The following BECN1 variants were observed in gnomAD, a reference collection of about 807,000 sequenced individuals.
The protein encoded by BECN1 is beclin-1.
Under a neutral mutation model 60.1 loss-of-function variants are expected in BECN1, and 15 were observed. The ratio of observed to expected loss-of-function variants is 0.25; its 90% CI spans 0.17 to 0.38. The LOEUF (loss-of-function observed/expected upper bound fraction) is 0.38. BECN1 is among the 10% of genes least tolerant of loss of function. The probability of loss-of-function intolerance (pLI) is 1.00; values close to 1 mark genes in which losing one functional copy is unlikely to be tolerated. For synonymous variants in BECN1, 179 were observed against 201.8 expected (o/e 0.89, Z 0.96); for missense variants, 424 against 548.2 (o/e 0.77, Z 2.26).
chr17:42,813,908 G>A (rs769096928), intron 10 of BECN1, 40 bp downstream of exon 10: 1 of 1,435,698 alleles, frequency 7.0e-7, no homozygotes, highest in Non-Finnish European at 9.6e-7. Flanking sequence ...AGAGATATAA[G>A]AACTCTGTAT....
Position 42,810,220 on chromosome 17 carries a change from C to T in BECN1, c.*540G>A, listed in dbSNP as rs1471326796. ...AACAGTATCAAACACCATTTCATAT[C>T]TCTAACACAGAGCAGAGTCGGCATT... On this transcript the variant is annotated 3_prime_UTR_variant, in exon 12 of 12. Coordinates refer to ENST00000590099, the MANE Select transcript of BECN1 (RefSeq NM_001313998.2). The T allele has an allele frequency of 6.5e-6, 1 of 152,888 alleles. No individual in the cohort carries two copies. Among genetic ancestry groups the T allele is most frequent in the African/African-American group, 2.4e-5 (1 of 41,412 alleles). The allele number at this position is 152,888 out of a possible 1,614,324, so 9.5% of individuals were successfully genotyped here.
intron 2 of BECN1, among the ~76,000 whole-genome samples, chr17:42,823,412 G>A (rs1273692009): frequency 1.3e-5 from 2 of 152,036 alleles, no homozygotes; most frequent in African/African-American, 4.8e-5. Flanking sequence ...GTGCCATCAC[G>A]CCCGGCTAAT....
At position 42,818,790 on chromosome 17, in the gene BECN1, C is replaced by A. The variant is rs201947039; in HGVS notation, c.348G>T (p.Leu116=). The part of the protein sequence containing the change: ...GGTMENLSRR[L]KVTGDLFDIM... The stretch of plus-strand genomic sequence containing the variant: ...CACCGGAATGGGGCCGACTTGCCTT[C>A]AGTCTTCGGCTGAGGTTCTCCATGG... Residue 116 remains leucine, a synonymous_variant, in exon 5 of 12, where the codon CTG becomes CTT. Transcript: ENST00000590099. The A allele has an allele frequency of 1.5e-5, 25 of 1,614,184 alleles. No homozygotes were observed. In the East Asian group the frequency reaches 5.6e-4, roughly 36 times the overall value.
chr17:42,813,854 A>G (rs1405544017), intron 10 of BECN1, 94 bp downstream of exon 10: 2 of 944,284 alleles, frequency 2.1e-6, no homozygotes, highest in Non-Finnish European at 3.2e-6. Flanking sequence ...AGGTCTAAAA[A>G]ATAAATTGAA....
intron 7 of BECN1, among the ~76,000 whole-genome samples, chr17:42,816,457 G>T (rs113646817): frequency 5.9e-5 from 9 of 151,566 alleles, no homozygotes; most frequent in Non-Finnish European, 1.0e-4. Context: ...TTCGAGAGCA[G>T]TCCGGCCAAT....
At position 42,819,449 on chromosome 17, in the gene BECN1, G is replaced by A. The variant is rs1055231715; in HGVS notation, c.260+99C>T. On this transcript the variant is annotated intron_variant, in intron 4 of 11. Coordinates refer to ENST00000590099, the MANE Select transcript of BECN1 (RefSeq NM_001313998.2). ...TGAAAGGGCCAAAAGGCTAGGTGAT[G>A]ATGCATCTCTATCACCTGGCTCCAG... is the stretch of plus-strand genomic sequence containing the variant. 14 of 1,292,758 alleles carry A rather than the reference G, an allele frequency of 1.1e-5. No homozygotes were observed. In the African/African-American group the frequency reaches 1.9e-4, roughly 18 times the overall value. The allele number at this position is 1,292,758 out of a possible 1,614,324, so 80.1% of individuals were successfully genotyped here.
intron 7 of BECN1, among the ~76,000 whole-genome samples, chr17:42,816,960 A>G (rs986825738): frequency 2.6e-5 from 4 of 151,652 alleles, no homozygotes; most frequent in African/African-American, 9.7e-5. Context: ...ACAGAGTGAG[A>G]CTCTGTCTCA....
At chr17:42,815,857 C>T in intron 8 of BECN1, 51 bp downstream of exon 8, 3 of 1,612,304 alleles carry the variant, frequency 1.9e-6, no homozygotes, top group Non-Finnish European at 2.5e-6. Flanking sequence ...TAGTGGTCAA[C>T]AGCTAAGGTC....
chr17:42,813,087 A>T (rs1476635367), intron 10 of BECN1, among the ~76,000 whole-genome samples: 1 of 145,908 alleles, frequency 6.9e-6, no homozygotes, highest in Non-Finnish European at 1.5e-5. Context: ...CTTGTGATCC[A>T]CCCGCCTTGG....
In BECN1 at chr17:42,819,615, A is replaced by G. The variant is rs1452469950; in HGVS notation, c.199-6T>C. 2 of 1,613,194 alleles carry G rather than the reference A, an allele frequency of 1.2e-6. No individual in the cohort carries two copies. Among genetic ancestry groups the G allele is most frequent in the East Asian group, 4.5e-5 (2 of 44,880 alleles). ...GGAGTTTCAATAAATGGCTCCTGGGAAAGAAATAAGAGGGCATTACAACTC... is the reference window on the plus strand; with the variant it reads ...GGAGTTTCAATAAATGGCTCCTGGGGAAGAAATAAGAGGGCATTACAACTC... On this transcript the variant is annotated splice_polypyrimidine_tract_variant and splice_region_variant and intron_variant, in intron 3 of 11. Coordinates refer to ENST00000590099, the MANE Select transcript of BECN1 (RefSeq NM_001313998.2).
In BECN1 at chr17:42,810,484, C is replaced by A. The variant is rs764265711; in HGVS notation, c.*276G>T. 11 of 243,886 alleles carry A rather than the reference C, an allele frequency of 4.5e-5. No individual in the cohort carries two copies. The highest frequency in any genetic ancestry group is 6.7e-5 in the African/African-American group (3 of 44,646). The allele number at this position is 243,886 out of a possible 1,614,324, so 15.1% of individuals were successfully genotyped here. A position where few individuals can be genotyped will look rare whatever the true frequency, so the allele number is the denominator to read the frequency against. On this transcript the variant is annotated 3_prime_UTR_variant, in exon 12 of 12. Coordinates refer to ENST00000590099, the MANE Select transcript of BECN1 (RefSeq NM_001313998.2). ...TCAACTCAGTTAAAAAAAAGAAAAG[C>A]AAATTTAAATTAGTTTTTTTCAGAG...
chr17:42,819,406 A>G (rs1049472683), intron 4 of BECN1, 142 bp downstream of exon 4: 7 of 833,258 alleles, frequency 8.4e-6, no homozygotes, highest in Admixed American at 2.8e-5. Context: ...GGCCAGGTAT[A>G]AGGGAATACA....
intron 11 of BECN1, chr17:42,811,417 T>C (rs2055002253): frequency 4.8e-6 from 2 of 415,048 alleles, no homozygotes; most frequent in Non-Finnish European, 8.4e-6. Context: ...GCTTGAGCTC[T>C]ATGCCAAGAA....
Position 42,824,259 on chromosome 17 carries a change from TCAGCGACTTCCCGGTAGC to T in BECN1, c.-125_-108del, listed in dbSNP as rs1395125084. ...CTCCAGAACTACCATCGCTCTGTCTTCAGCGACTTCCCGGTAGCCGCCGGAAAACTTCCGCCCGAGACC... is the reference window on the plus strand; with the variant it reads ...CTCCAGAACTACCATCGCTCTGTCTTCGCCGGAAAACTTCCGCCCGAGACC... On this transcript the variant is annotated 5_prime_UTR_variant, in exon 1 of 12. Transcript: ENST00000590099. 3 of 400,058 alleles carry T rather than the reference TCAGCGACTTCCCGGTAGC, an allele frequency of 7.5e-6. No individual in the cohort carries two copies. Among genetic ancestry groups the T allele is most frequent in the African/African-American group, 6.2e-5 (3 of 48,628 alleles). The allele number at this position is 400,058 out of a possible 1,614,324, so 24.8% of individuals were successfully genotyped here.
intron 7 of BECN1, among the ~76,000 whole-genome samples, chr17:42,817,824 C>T (rs1417160374): frequency 6.6e-6 from 1 of 152,124 alleles, no homozygotes; most frequent in South Asian, 2.1e-4. Context: ...GCTGGAATTA[C>T]AGATATGAAC....
chr17:42,820,866 C>A (rs1299866933), intron 2 of BECN1, 25 bp from the exon 3 acceptor site: 1 of 1,565,518 alleles, frequency 6.4e-7, no homozygotes, highest in African/African-American at 1.3e-5. Context: ...AATATTGGGT[C>A]AGAAACAGTC....
At chr17:42,817,486 T>C (rs1426604794) in intron 7 of BECN1, among the ~76,000 whole-genome samples, 1 of 152,188 alleles carries the variant, frequency 6.6e-6, no homozygotes, top group Non-Finnish European at 1.5e-5. Flanking sequence ...CTTCAGTTAG[T>C]ATGGACACTG....
At chr17:42,814,289 G>T in intron 9 of BECN1, 1 of 598,886 alleles carries the variant, frequency 1.7e-6, no homozygotes, top group Non-Finnish European at 2.9e-6. Flanking sequence ...GAACACTAAG[G>T]CTCTGGGGAC....
Position 42,818,557 on chromosome 17 carries a change from A to T in BECN1, c.475T>A (p.Cys159Ser). The T allele has an allele frequency of 6.2e-7, 1 of 1,614,144 alleles. No homozygotes were observed. The highest frequency in any genetic ancestry group is 1.1e-5 in the South Asian group (1 of 91,074). Reference sequence around the variant, plus strand: ...GGAGACACTCACTTGTAGTTCTGACACTCATTTTCAGTGACGTTGAGCTGA... The same window carrying T: ...GGAGACACTCACTTGTAGTTCTGACTCTCATTTTCAGTGACGTTGAGCTGA... ...DTQLNVTENE[C>S]QNYKRCLEIL... The change falls in exon 6 of 12, where the codon TGT becomes AGT. Residue 159 changes from cysteine (C) to serine (S), a missense_variant. Physicochemically the swap from Cys to Ser is moderately radical, Grantham distance 112. Coordinates refer to ENST00000590099, the MANE Select transcript of BECN1 (RefSeq NM_001313998.2).
Sources: allele counts gnomAD v4.1 joint callset (sites outside exome capture counted in the v4.1 genomes callset), GRCh38; gene constraint gnomAD v4.1.1; transcripts MANE v1.5; gene names NCBI Gene and HGNC (gene_info 2026-07-23, HGNC 2026-07-21).